Variants in ZNF564 observed in about 807,000 individuals in gnomAD.
The protein encoded by ZNF564 is zinc finger protein 564.
In ZNF564, 5 loss-of-function variants were observed where a neutral mutation model predicts 10.5. The ratio of observed to expected loss-of-function variants is 0.48; its 90% confidence interval spans 0.25 to 1.00. ZNF564 has a LOEUF of 1.00. Ranked by LOEUF, ZNF564 falls within the 50% of genes least tolerant of loss-of-function variation. The probability of loss-of-function intolerance (pLI) is 0.16; values close to 1 mark genes in which losing one functional copy is unlikely to be tolerated. For missense variants in ZNF564, 603 were observed against 669.7 expected (o/e 0.90, Z 1.10); for synonymous variants, 242 against 218.1 (o/e 1.11, Z -0.97).
intron 1 of ZNF564, among the ~76,000 whole-genome samples, chr19:12,537,206 AATG>A (rs1490188175): frequency 1.3e-5 from 2 of 152,184 alleles, no homozygotes; most frequent in African/African-American, 4.8e-5. Context: ...TCTATCATCC[AATG>A]ATGTATTACA....
Position 12,526,893 on chromosome 19 carries a change from G to T in ZNF564, c.1215C>A (p.Pro405=). 1.9e-6 allele frequency: 3 copies of T among 1,609,656 alleles called. No homozygotes were observed. Among genetic ancestry groups the T allele is most frequent in the Non-Finnish European group, 2.5e-6 (3 of 1,178,490 alleles). The change falls in exon 4 of 4, where the codon CCC becomes CCA. Residue 405 remains proline, a synonymous_variant. Transcript: ENST00000339282. ...TTCTTTCGTGTATTTGAAATGAACT[G>T]GGACAGTCAAAGGCTCTACCACATA... is the stretch of plus-strand genomic sequence containing the variant. The part of the protein sequence containing the change: ...CQVCGRAFDC[P]SSFQIHERTH...
intron 1 of ZNF564, among the ~76,000 whole-genome samples, chr19:12,533,727 C>CAAAAAAAAAAAAAAAAAAA (rs59631972): frequency 6.9e-5 from 2 of 29,182 alleles, no homozygotes; most frequent in Non-Finnish European, 1.1e-4. Flanking sequence ...CTGCTGTCTC[C>CAAAAAAAAAAAAAAAAAAA]AAAAAAAAAA....
intron 1 of ZNF564, among the ~76,000 whole-genome samples, chr19:12,535,898 A>T (rs2021899776): frequency 6.6e-6 from 1 of 151,882 alleles, no homozygotes; most frequent in African/African-American, 2.4e-5. Flanking sequence ...CTGTAGTCCC[A>T]GCTACTTGGG....
chr19:12,551,012 G>T (rs913219135), intron 1 of ZNF564, among the ~76,000 whole-genome samples: 6 of 152,254 alleles, frequency 3.9e-5, no homozygotes, highest in African/African-American at 1.2e-4. Context: ...CCCGAGACGG[G>T]ATTCCGCCTT....
At chr19:12,545,374 C>T (rs2022132123) in intron 1 of ZNF564, among the ~76,000 whole-genome samples, 1 of 152,044 alleles carries the variant, frequency 6.6e-6, no homozygotes. Context: ...CACCAGTGAC[C>T]AGATGTTTAC....
At chr19:12,544,466 C>A (rs184446924) in intron 1 of ZNF564, among the ~76,000 whole-genome samples, 14 of 152,208 alleles carry the variant, frequency 9.2e-5, no homozygotes, top group African/African-American at 2.9e-4. Flanking sequence ...ATACCAGAAG[C>A]AGGGCTTAGT....
At chr19:12,533,246 A>C (rs993275823) in intron 1 of ZNF564, among the ~76,000 whole-genome samples, 1 of 152,228 alleles carries the variant, frequency 6.6e-6, no homozygotes, top group African/African-American at 2.4e-5. Context: ...ATTAAACAAC[A>C]CAATTCTAAA....
rs868014196 is a variant in ZNF564 at position 12,526,979 on chromosome 19, G to C, written c.1129C>G (p.Leu377Val). Residue 377 changes from leucine (L) to valine (V), a missense_variant, in exon 4 of 4, where the codon CTC becomes GTC. By Grantham distance (32) the Leu-to-Val change is conservative (BLOSUM62 1). Transcript: ENST00000339282. ...ATCATGTGTCTTCGGACACTTGGGA[G>C]AGAAATGAAGGCTTTCCCGCATTCC... ...CKECGKAFIS[L>V]PSVRRHMIKH... The C allele has an allele frequency of 1.2e-6, 2 of 1,613,712 alleles. No individual in the cohort carries two copies. Among genetic ancestry groups the C allele is most frequent in the Admixed American group, 1.7e-5 (1 of 59,930 alleles).
intron 2 of ZNF564, 92 bp from the exon 3 acceptor site, chr19:12,528,456 T>TG: frequency 6.3e-7 from 1 of 1,575,398 alleles, no homozygotes; most frequent in Non-Finnish European, 8.6e-7. Flanking sequence ...CAAACAACCC[T>TG]GATTTATTCA....
intron 1 of ZNF564, 89 bp from the exon 2 acceptor site, chr19:12,528,785 T>G: frequency 7.0e-7 from 1 of 1,430,712 alleles, no homozygotes; most frequent in East Asian, 2.4e-5. Context: ...CACAAATGGC[T>G]AGGTGTGGTG....
intron 1 of ZNF564, among the ~76,000 whole-genome samples, chr19:12,537,568 G>A (rs2021941869): frequency 1.3e-5 from 2 of 151,924 alleles, no homozygotes; most frequent in Admixed American, 1.3e-4. Context: ...GAGAAACCCT[G>A]TCTCTACTAA....
intron 1 of ZNF564, chr19:12,548,733 ACTT>A (rs2022199241): frequency 2.9e-6 from 2 of 695,536 alleles, no homozygotes; most frequent in Admixed American, 4.1e-5. Context: ...TTCCATGACA[ACTT>A]CTTTACTAAT....
At chr19:12,534,998 G>A (rs1039011188) in intron 1 of ZNF564, among the ~76,000 whole-genome samples, 3 of 151,992 alleles carry the variant, frequency 2.0e-5, no homozygotes, top group African/African-American at 7.3e-5. Flanking sequence ...TGAACAATCT[G>A]CAGTACATCC....
At chr19:12,542,601 A>C (rs1228578216) in intron 1 of ZNF564, among the ~76,000 whole-genome samples, 1 of 151,092 alleles carries the variant, frequency 6.6e-6, no homozygotes, top group African/African-American at 2.5e-5. Flanking sequence ...ATGCCTGGTG[A>C]CATAGGGGGA....
chr19:12,526,877 G>C lies in ZNF564; in HGVS notation c.1231C>G (p.His411Asp). 6.2e-7 allele frequency: 1 copy of C among 1,614,084 alleles called. No homozygotes were observed. Among genetic ancestry groups the C allele is most frequent in the Non-Finnish European group, 8.5e-7 (1 of 1,179,990 alleles). The change falls in exon 4 of 4, where the codon CAC (histidine) becomes GAC (aspartate). Residue 411 changes from histidine to aspartate, a missense_variant. By Grantham distance (81) the His-to-Asp change is moderately conservative (BLOSUM62 -1). Transcript: ENST00000339282. ...TTCTCTCCAGTGTGAGTTCTTTCGT[G>C]TATTTGAAATGAACTGGGACAGTCA... The part of the protein sequence containing the change: ...AFDCPSSFQI[H>D]ERTHTGEKPY...
chr19:12,540,654 A>AGC (rs2022026333), intron 1 of ZNF564, among the ~76,000 whole-genome samples: 1 of 152,192 alleles, frequency 6.6e-6, no homozygotes. Context: ...GGAGATCGCC[A>AGC]CCATCCTGGC....
chr19:12,526,569 C>T lies in ZNF564; in HGVS notation c.1539G>A (p.Thr513=), dbSNP rs536124739. 81 of 1,614,088 alleles carry T rather than the reference C, an allele frequency of 5.0e-5. 1 individual carries two copies. Among genetic ancestry groups the T allele is most frequent in the South Asian group, 3.2e-4 (29 of 91,084 alleles). The change falls in exon 4 of 4, where the codon ACG becomes ACA. Residue 513 remains threonine (T), a synonymous_variant. Transcript: ENST00000339282. ...TTTGAAAGGAACTGGAATAACTGAA[C>T]GTTTTTCCACATTGCTTACATTCAT... ...KPYECKQCGK[T]FSYSSSFQRH...
At chr19:12,531,974 A>C (rs1222206124) in intron 1 of ZNF564, among the ~76,000 whole-genome samples, 3 of 152,204 alleles carry the variant, frequency 2.0e-5, no homozygotes, top group African/African-American at 7.2e-5. Context: ...GGATAGGGAA[A>C]TATATAAAAT....
At chr19:12,529,670 C>T (rs1228568861) in intron 1 of ZNF564, 1 of 151,570 alleles carries the variant, frequency 6.6e-6, no homozygotes, top group African/African-American at 2.4e-5. Context: ...TCATATCTCA[C>T]ACCAATCAGC....
Sources: gnomAD v4.1 joint callset for allele counts (sites outside exome capture counted in the v4.1 genomes callset) on GRCh38, gnomAD v4.1.1 for gene constraint, MANE v1.5 for transcripts, NCBI Gene and HGNC (gene_info 2026-07-23, HGNC 2026-07-21) for gene names.